The following PLCG2 variants were observed in gnomAD, a reference collection of about 807,000 sequenced individuals.
PLCG2 encodes the protein phospholipase C gamma 2.
PLCG2 carries 69 observed loss-of-function variants against 175.6 expected under a neutral mutation model. The observed-to-expected ratio is 0.39, with a 90% CI of 0.32 to 0.48. The LOEUF is 0.48. Among genes scored for constraint, PLCG2 ranks in the 20% least tolerant of loss-of-function variants. The pLI is 0.91. For missense variants in PLCG2, 1,798 were observed against 1,650.9 expected, an observed-to-expected ratio of 1.09 and a Z score of -1.54; for synonymous variants, 827 against 624.0, an observed-to-expected ratio of 1.33 and a Z score of -4.85.
chr16:81,821,667 G>A (rs543894821), intron 2 of PLCG2, among the ~76,000 whole-genome samples: 1 of 152,150 alleles, frequency 6.6e-6, no homozygotes, highest in African/African-American at 2.4e-5. Flanking sequence ...AGTGGCCTCT[G>A]TAGAAAAAAA....
At chr16:81,885,571 C>G (rs901804362) in intron 9 of PLCG2, among the ~76,000 whole-genome samples, 7 of 152,208 alleles carry the variant, frequency 4.6e-5, no homozygotes, top group Admixed American at 4.6e-4. Flanking sequence ...AAACCCCAGA[C>G]TTTGCGTCAT....
At chr16:81,858,167 T>G (rs1906779043) in intron 3 of PLCG2, 96 bp from the exon 4 acceptor site, 1 of 854,670 alleles carries the variant, frequency 1.2e-6, no homozygotes, top group Non-Finnish European at 2.0e-6. Flanking sequence ...CAGCATAGGC[T>G]TCTCCCATCT....
At chr16:81,742,125 A>G (rs1418057399) in intron 1 of PLCG2, among the ~76,000 whole-genome samples, 1 of 123,820 alleles carries the variant, frequency 8.1e-6, no homozygotes, top group Non-Finnish European at 1.6e-5. Flanking sequence ...ATTGTGGTAC[A>G]AAGCACACAA....
intron 2 of PLCG2, among the ~76,000 whole-genome samples, chr16:81,819,581 TTTA>T (rs925786578): frequency 4.6e-5 from 7 of 152,102 alleles, no homozygotes; most frequent in Admixed American, 1.3e-4. Flanking sequence ...TATTTATGTA[TTTA>T]TTATTATTAT....
intron 2 of PLCG2, among the ~76,000 whole-genome samples, chr16:81,791,040 C>A (rs1240619350): frequency 2.6e-5 from 4 of 152,124 alleles, no homozygotes; most frequent in Non-Finnish European, 5.9e-5. Context: ...TTGCTCTGAA[C>A]CCTGTTTGGA....
At chr16:81,797,523 C>G (rs576474712) in intron 2 of PLCG2, among the ~76,000 whole-genome samples, 1 of 152,186 alleles carries the variant, frequency 6.6e-6, no homozygotes, top group African/African-American at 2.4e-5. Context: ...TGCTGGGAGG[C>G]CAGGGACCCT....
At chr16:81,794,697 G>T (rs764778102) in intron 2 of PLCG2, among the ~76,000 whole-genome samples, 2 of 152,192 alleles carry the variant, frequency 1.3e-5, no homozygotes, top group African/African-American at 2.4e-5. Context: ...TCCTTCAATA[G>T]TATCTGGCAC....
chr16:81,775,708 A>G (rs549789074), upstream of PLCG2, among the ~76,000 whole-genome samples: 1 of 152,342 alleles, frequency 6.6e-6, no homozygotes, highest in South Asian at 2.1e-4. Flanking sequence ...GAATACAAAG[A>G]GTCAAGATGA....
In PLCG2 at chr16:81,815,914, T is replaced by A. The variant is rs145846099; in HGVS notation, c.193+29732T>A. Among the ~76,000 whole-genome samples the A allele has an allele frequency of 4.0e-3, 600 of 149,618 alleles. 3 individuals carry two copies. The highest frequency in any genetic ancestry group is 5.8e-3 in the Non-Finnish European group (389 of 67,564). On this transcript the variant is annotated intron_variant, in intron 2 of 32. Transcript: ENST00000564138. ...CGTTTTTTACTAAAAATACAAAAAT[T>A]AGCCAGGCATGGTGACTTGCGCCTG...
Position 81,923,475 on chromosome 16 carries a change from T to A in PLCG2, c.2308-10T>A. The A allele has an allele frequency of 6.3e-7, 1 of 1,585,960 alleles. No homozygotes were observed. The highest frequency in any genetic ancestry group is 2.2e-5 in the East Asian group (1 of 44,638). The stretch of plus-strand genomic sequence containing the variant: ...TGGCCTGACCTTTTCCTTCTTGTTT[T>A]CCCTGAAAGCCTCAGAGAACCGTGA... On this transcript the variant is annotated splice_polypyrimidine_tract_variant and intron_variant, in intron 21 of 32. Coordinates refer to ENST00000564138, the MANE Select transcript of PLCG2 (RefSeq NM_002661.5).
At chr16:81,775,315 T>C (rs1247815238), upstream of PLCG2, among the ~76,000 whole-genome samples, 1 of 152,130 alleles carries the variant, frequency 6.6e-6, no homozygotes, top group Non-Finnish European at 1.5e-5. Flanking sequence ...CTGCATATGC[T>C]ATAGGTGGGT....
At chr16:81,938,735 C>A (rs1910817050) in intron 28 of PLCG2, 66 bp from the exon 29 acceptor site, 3 of 904,488 alleles carry the variant, frequency 3.3e-6, no homozygotes, top group Admixed American at 2.0e-5. Context: ...AACCCAGCTG[C>A]AATCCACGCT....
At chr16:81,868,397 G>T (rs1321427292) in intron 5 of PLCG2, among the ~76,000 whole-genome samples, 1 of 152,102 alleles carries the variant, frequency 6.6e-6, no homozygotes, top group Non-Finnish European at 1.5e-5. Context: ...TGGGGGTGCA[G>T]GGGGTCCCCA....
intron 3 of PLCG2, among the ~76,000 whole-genome samples, chr16:81,854,826 G>T (rs927081359): frequency 2.8e-4 from 43 of 152,122 alleles, no homozygotes; most frequent in Non-Finnish European, 1.8e-4. Flanking sequence ...TTTCATGGGG[G>T]TATTGTGAGG....
At chr16:81,893,816 G>A (rs761603870) in intron 12 of PLCG2, 22 bp downstream of exon 12, 2 of 1,517,134 alleles carry the variant, frequency 1.3e-6, no homozygotes, top group East Asian at 2.3e-5. Flanking sequence ...CTTCTTGGTG[G>A]AGGTCAGGCT....
At chr16:81,931,848 C>A (rs1004314671) in intron 25 of PLCG2, among the ~76,000 whole-genome samples, 194 bp downstream of exon 25, 1 of 152,150 alleles carries the variant, frequency 6.6e-6, no homozygotes, top group African/African-American at 2.4e-5. Flanking sequence ...TGGAGGTGCC[C>A]TGGGAAGGTG....
chr16:81,808,066 A>G (rs1449228591), intron 2 of PLCG2, among the ~76,000 whole-genome samples: 1 of 152,190 alleles, frequency 6.6e-6, no homozygotes, highest in African/African-American at 2.4e-5. Flanking sequence ...GGTTGTTTCT[A>G]CCTTTTGGCT....
chr16:81,920,429 T>A (rs532355112), intron 20 of PLCG2, among the ~76,000 whole-genome samples: 1 of 152,342 alleles, frequency 6.6e-6, no homozygotes, highest in African/African-American at 2.4e-5. Context: ...ACAATTAAGA[T>A]GTTTTCAGGT....
chr16:81,781,810 A>G (rs1439945217), intron 1 of PLCG2, among the ~76,000 whole-genome samples: 4 of 152,164 alleles, frequency 2.6e-5, no homozygotes, highest in South Asian at 4.2e-4. Context: ...CACTGAAGAG[A>G]CAAAAACTTC....
Sources: gnomAD v4.1 joint callset for allele counts (sites outside exome capture counted in the v4.1 genomes callset) on GRCh38, gnomAD v4.1.1 for gene constraint, MANE v1.5 for transcripts, NCBI Gene and HGNC (gene_info 2026-07-23, HGNC 2026-07-21) for gene names.